GPC5: variants seen among roughly 807,000 people sequenced by gnomAD.
The protein encoded by GPC5 is glypican 5.
GPC5 carries 47 observed loss-of-function variants against 53.9 expected under a neutral mutation model. That is an observed-to-expected ratio of 0.87 (90% CI 0.69 to 1.11). The LOEUF (loss-of-function observed/expected upper bound fraction) is 1.11. GPC5 is among the 50% of genes most tolerant of loss of function. The probability of loss-of-function intolerance (pLI) is 0.00; values close to 1 mark genes in which losing one functional copy is unlikely to be tolerated. For synonymous variants in GPC5, 286 were observed against 263.3 expected (o/e 1.09, Z -0.84); for missense variants, 748 against 713.1 (o/e 1.05, Z -0.56).
At chr13:91,647,003 A>G (rs564832828) in intron 2 of GPC5, among the ~76,000 whole-genome samples, 168 of 152,266 alleles carry the variant, frequency 1.1e-3, no homozygotes, top group African/African-American at 3.9e-3. Context: ...AAAATAAGAT[A>G]TTAAAACAAG....
At chr13:91,408,241 A>G (rs544552129) in intron 1 of GPC5, among the ~76,000 whole-genome samples, 1 of 152,090 alleles carries the variant, frequency 6.6e-6, no homozygotes, top group East Asian at 1.9e-4. Flanking sequence ...GCTCCTGATA[A>G]TCACCATTCT....
intron 6 of GPC5, among the ~76,000 whole-genome samples, chr13:91,914,330 T>A (rs2039638396): frequency 6.6e-6 from 1 of 152,194 alleles, no homozygotes; most frequent in South Asian, 2.1e-4. Context: ...AATGTTACAG[T>A]GTTGTTAAAA....
intron 6 of GPC5, among the ~76,000 whole-genome samples, chr13:92,124,248 GAAA>G (rs34042033): frequency 1.8e-4 from 10 of 55,000 alleles, no homozygotes; most frequent in South Asian, 1.7e-3. Context: ...CGGACAGAAT[GAAA>G]AAAAAAAAAA....
intron 7 of GPC5, among the ~76,000 whole-genome samples, chr13:92,864,486 C>T (rs983274410): frequency 2.6e-5 from 4 of 151,868 alleles, no homozygotes; most frequent in Non-Finnish European, 4.4e-5. Flanking sequence ...TTCATGGATC[C>T]CATCCAAACA....
intron 7 of GPC5, among the ~76,000 whole-genome samples, chr13:92,755,818 T>C (rs868086710): frequency 1.2e-3 from 174 of 143,384 alleles, no homozygotes; most frequent in African/African-American, 4.3e-3. Context: ...TAACAGGATC[T>C]GAAATTGTGG....
At chr13:92,124,668 T>G (rs1464634844) in intron 6 of GPC5, among the ~76,000 whole-genome samples, 2 of 152,130 alleles carry the variant, frequency 1.3e-5, no homozygotes, top group Non-Finnish European at 2.9e-5. Flanking sequence ...ACTGCATGCA[T>G]GAATTGTGTG....
chr13:92,838,438 A>G (rs897111678), intron 7 of GPC5, among the ~76,000 whole-genome samples: 5 of 148,726 alleles, frequency 3.4e-5, no homozygotes, highest in South Asian at 2.2e-4. Context: ...AGTCGAGATC[A>G]CGCCACTGCA....
chr13:92,819,138 T>C (rs1877589098), intron 7 of GPC5, among the ~76,000 whole-genome samples: 1 of 152,056 alleles, frequency 6.6e-6, no homozygotes, highest in South Asian at 2.1e-4. Flanking sequence ...ACTCCTTCCA[T>C]ACTTAAAGTT....
intron 6 of GPC5, among the ~76,000 whole-genome samples, chr13:92,120,344 C>G (rs556723154): frequency 6.6e-6 from 1 of 152,144 alleles, no homozygotes; most frequent in East Asian, 1.9e-4. Context: ...ACTGTAGCCT[C>G]GATCTTCAGC....
intron 7 of GPC5, among the ~76,000 whole-genome samples, chr13:92,551,118 A>G (rs1882296894): frequency 6.6e-6 from 1 of 151,892 alleles, no homozygotes; most frequent in African/African-American, 2.4e-5. Context: ...TCCAAGGACC[A>G]GAATTATTTG....
At chr13:92,133,304 A>T (rs1385190362) in intron 6 of GPC5, among the ~76,000 whole-genome samples, 1 of 152,178 alleles carries the variant, frequency 6.6e-6, no homozygotes, top group Non-Finnish European at 1.5e-5. Flanking sequence ...TGAAGCTATG[A>T]TGCTGTGCCA....
At chr13:91,685,657 G>C (rs1289584223) in intron 2 of GPC5, among the ~76,000 whole-genome samples, 1 of 152,064 alleles carries the variant, frequency 6.6e-6, no homozygotes, top group South Asian at 2.1e-4. Context: ...ACAGAAACTT[G>C]TATGGCTTAT....
intron 7 of GPC5, among the ~76,000 whole-genome samples, chr13:92,422,926 C>T (rs1161216450): frequency 1.3e-5 from 2 of 152,198 alleles, no homozygotes; most frequent in East Asian, 1.9e-4. Flanking sequence ...CATTAATTAG[C>T]CTTATCGTTC....
At chr13:91,443,985 A>C (rs1369133363) in intron 1 of GPC5, among the ~76,000 whole-genome samples, 1 of 152,246 alleles carries the variant, frequency 6.6e-6, no homozygotes, top group Non-Finnish European at 1.5e-5. Context: ...CAACAATTTC[A>C]GATGACATAA....
At chr13:92,845,407 A>G (rs1878579593) in intron 7 of GPC5, among the ~76,000 whole-genome samples, 1 of 152,070 alleles carries the variant, frequency 6.6e-6, no homozygotes, top group Admixed American at 6.6e-5. Context: ...AGAATCTACA[A>G]TATAGTTCCG....
intron 7 of GPC5, among the ~76,000 whole-genome samples, chr13:92,281,597 G>A (rs888823888): frequency 9.2e-5 from 14 of 152,132 alleles, no homozygotes; most frequent in African/African-American, 2.7e-4. Context: ...AGCAATATTC[G>A]CTGTTCTGCC....
At chr13:92,052,590 G>A (rs1336556489) in intron 6 of GPC5, among the ~76,000 whole-genome samples, 1 of 152,102 alleles carries the variant, frequency 6.6e-6, no homozygotes, top group East Asian at 1.9e-4. Context: ...TAGGCACAGA[G>A]TGCTGATTGG....
intron 7 of GPC5, among the ~76,000 whole-genome samples, chr13:92,725,922 G>GTA (rs1382649878): frequency 1.3e-5 from 2 of 151,562 alleles, no homozygotes. Context: ...GACTTTTAGC[G>GTA]TAGCACATTG....
chr13:92,551,177 C>A (rs2139016244), intron 7 of GPC5, among the ~76,000 whole-genome samples: 1 of 151,430 alleles, frequency 6.6e-6, no homozygotes, highest in Non-Finnish European at 1.5e-5. Flanking sequence ...CAAAAGATTG[C>A]AGAATTGAAG....
Sources: allele counts gnomAD v4.1 joint callset (sites outside exome capture counted in the v4.1 genomes callset), GRCh38; gene constraint gnomAD v4.1.1; transcripts MANE v1.5; gene names NCBI Gene and HGNC (gene_info 2026-07-23, HGNC 2026-07-21).